The following HMGB1 variants were observed in gnomAD, a reference collection of about 807,000 sequenced individuals.
HMGB1 encodes the protein high mobility group protein B1.
For missense variants in HMGB1, 79 were observed against 253.5 expected, an observed-to-expected ratio of 0.31 and a Z score of 4.67; for synonymous variants, 81 against 84.0, an observed-to-expected ratio of 0.96 and a Z score of 0.19.
In HMGB1 at chr13:30,515,570, G is replaced by A. The variant is rs1269854370; in HGVS notation, c.-14-51876C>T. Among the ~76,000 whole-genome samples the A allele has an allele frequency of 2.0e-5, 3 of 152,002 alleles. No individual in the cohort carries two copies. The East Asian group carries it at 5.8e-4, about 29-fold the overall frequency. On this transcript the variant is annotated intron_variant, in intron 1 of 4. Coordinates refer to the HMGB1 transcript ENST00000405805. Reference sequence around the variant, plus strand: ...TTGAAATAACTTTATCTTATCGCCAGTAAGGTCATAATGCCAGCTGGCCTT... The same window carrying A: ...TTGAAATAACTTTATCTTATCGCCAATAAGGTCATAATGCCAGCTGGCCTT...
chr13:30,505,531 G>A (rs553940451), intron 1 of HMGB1, among the ~76,000 whole-genome samples: 6 of 152,054 alleles, frequency 3.9e-5, no homozygotes, highest in South Asian at 2.1e-4. Flanking sequence ...GGCTGGTCTC[G>A]AACTCCTGGC....
At chr13:30,478,127 C>A (rs1371630307) in intron 1 of HMGB1, among the ~76,000 whole-genome samples, 1 of 152,212 alleles carries the variant, frequency 6.6e-6, no homozygotes, top group Non-Finnish European at 1.5e-5. Flanking sequence ...CTGCATTGAA[C>A]ACACTCATGG....
intron 1 of HMGB1, among the ~76,000 whole-genome samples, chr13:30,538,714 TCTTC>T (rs1868692006): frequency 1.4e-5 from 2 of 142,140 alleles, no homozygotes; most frequent in Non-Finnish European, 3.0e-5. Flanking sequence ...TTTCTTTCTT[TCTTC>T]TTTTTCTTTC....
At chr13:30,464,542 C>G in intron 1 of HMGB1, 1 of 984,662 alleles carries the variant, frequency 1.0e-6, no homozygotes. Context: ...GCTCCCAGGC[C>G]CGAGGCCGCC....
At chr13:30,550,918 G>T (rs1031989688) in intron 1 of HMGB1, among the ~76,000 whole-genome samples, 6 of 152,190 alleles carry the variant, frequency 3.9e-5, no homozygotes, top group African/African-American at 1.4e-4. Flanking sequence ...ACATCTGATA[G>T]ATTCTAAAAA....
chr13:30,492,428 G>C (rs766770922), intron 1 of HMGB1, among the ~76,000 whole-genome samples: 5 of 151,596 alleles, frequency 3.3e-5, no homozygotes, highest in Non-Finnish European at 5.9e-5. Flanking sequence ...ATGTATAAAG[G>C]GCTATTAGAA....
chr13:30,597,441 G>T (rs959076862), intron 1 of HMGB1, among the ~76,000 whole-genome samples: 2 of 152,184 alleles, frequency 1.3e-5, no homozygotes, highest in Non-Finnish European at 2.9e-5. Flanking sequence ...CTTCAGAACC[G>T]TAAGAAAATA....
intron 1 of HMGB1, among the ~76,000 whole-genome samples, chr13:30,608,830 A>G (rs1272169063): frequency 6.6e-6 from 1 of 152,248 alleles, no homozygotes; most frequent in Non-Finnish European, 1.5e-5. Context: ...CTGGATCCAA[A>G]CACAGGCAGA....
intron 1 of HMGB1, among the ~76,000 whole-genome samples, chr13:30,504,808 G>A (rs968127556): frequency 9.9e-5 from 15 of 151,170 alleles, no homozygotes; most frequent in African/African-American, 3.7e-4. Context: ...GGAGTTGGAG[G>A]TGAGAGAACG....
intron 1 of HMGB1, among the ~76,000 whole-genome samples, chr13:30,557,857 G>T (rs1566024618): frequency 6.6e-6 from 1 of 152,184 alleles, no homozygotes; most frequent in African/African-American, 2.4e-5. Context: ...GAGCGAGACA[G>T]GGCACAGAAT....
At chr13:30,482,742 A>G (rs566649712) in intron 1 of HMGB1, among the ~76,000 whole-genome samples, 1 of 151,870 alleles carries the variant, frequency 6.6e-6, no homozygotes, top group East Asian at 1.9e-4. Context: ...CTTTGCGGGA[A>G]ATAAAAAAAA....
chr13:30,558,271 G>A (rs997102059), intron 1 of HMGB1, among the ~76,000 whole-genome samples: 9 of 152,006 alleles, frequency 5.9e-5, no homozygotes, highest in Non-Finnish European at 1.2e-4. Flanking sequence ...CAATGGAAAG[G>A]TAAAAATGAT....
At position 30,461,319 on chromosome 13, in the gene HMGB1, T is replaced by G; in HGVS notation, c.*38A>C. On this transcript the variant is annotated 3_prime_UTR_variant, in exon 5 of 5. Coordinates refer to ENST00000341423, the MANE Select transcript of HMGB1 (RefSeq NM_002128.7). ...AGTTGTGTACAGGGGGGTTAAATGCTTTATAGACAAGAAAAAAAAAACTGC... is the reference window on the plus strand; with the variant it reads ...AGTTGTGTACAGGGGGGTTAAATGCGTTATAGACAAGAAAAAAAAAACTGC... 1 of 1,523,280 alleles carries G rather than the reference T, an allele frequency of 6.6e-7. No individual in the cohort carries two copies. The highest frequency in any genetic ancestry group is 8.7e-7 in the Non-Finnish European group (1 of 1,144,180). The allele number at this position is 1,523,280 out of a possible 1,614,324, so 94.4% of individuals were successfully genotyped here.
chr13:30,566,854 T>C (rs1870204040), intron 1 of HMGB1, among the ~76,000 whole-genome samples: 1 of 152,212 alleles, frequency 6.6e-6, no homozygotes. Context: ...TTTGAAATAA[T>C]TGGCTAATTA....
At chr13:30,614,125 ATGT>A (rs1950538658) in intron 1 of HMGB1, among the ~76,000 whole-genome samples, 1 of 152,154 alleles carries the variant, frequency 6.6e-6, no homozygotes, top group African/African-American at 2.4e-5. Context: ...TTGTTCTTAC[ATGT>A]GTAAAATTTT....
In HMGB1 at chr13:30,516,664, T is replaced by C. The variant is rs1352810655; in HGVS notation, c.-14-52970A>G. 2.0e-5 allele frequency among the ~76,000 whole-genome samples: 3 copies of C among 152,180 alleles called. No individual in the cohort carries two copies. The East Asian group carries it at 5.8e-4, about 29-fold the overall frequency. ...TGGGCATAGTGCCTCCTGCCTGTAA[T>C]CCCAGCACTTTGGGAGGCTGAGGCA... On this transcript the variant is annotated intron_variant, in intron 1 of 4. Coordinates refer to the HMGB1 transcript ENST00000405805.
At chr13:30,603,863 A>G (rs1950427305) in intron 1 of HMGB1, among the ~76,000 whole-genome samples, 1 of 152,212 alleles carries the variant, frequency 6.6e-6, no homozygotes, top group African/African-American at 2.4e-5. Flanking sequence ...GGGAATAATG[A>G]CAAGGAAAAA....
chr13:30,582,855 T>C (rs1870964388), intron 1 of HMGB1, among the ~76,000 whole-genome samples: 1 of 152,150 alleles, frequency 6.6e-6, no homozygotes, highest in Non-Finnish European at 1.5e-5. Flanking sequence ...ATCCAACCCA[T>C]CAGTACATCC....
chr13:30,583,334 A>G (rs1870986555), intron 1 of HMGB1, among the ~76,000 whole-genome samples: 1 of 151,990 alleles, frequency 6.6e-6, no homozygotes, highest in Non-Finnish European at 1.5e-5. Context: ...GGAGCTCAAC[A>G]TCAGCTTAGA....
Sources: gnomAD v4.1 joint callset for allele counts (sites outside exome capture counted in the v4.1 genomes callset) on GRCh38, gnomAD v4.1.1 for gene constraint, MANE v1.5 for transcripts, NCBI Gene and HGNC (gene_info 2026-07-23, HGNC 2026-07-21) for gene names.